The following AGTR1 variants were observed in gnomAD, a reference collection of about 807,000 sequenced individuals.
AGTR1 encodes type-1 angiotensin II receptor.
A neutral mutation model predicts 19.4 loss-of-function variants in AGTR1; 16 were observed. The ratio of observed to expected loss-of-function variants is 0.82; its 90% CI spans 0.56 to 1.25. AGTR1 has a LOEUF of 1.25. Among genes scored for constraint, AGTR1 ranks in the 50% most tolerant of loss-of-function variants. The probability of loss-of-function intolerance (pLI) is 0.00; values close to 1 mark genes in which losing one functional copy is unlikely to be tolerated. For synonymous variants in AGTR1, 153 were observed against 154.9 expected (o/e 0.99, Z 0.09); for missense variants, 373 against 431.9 (o/e 0.86, Z 1.21).
intron 2 of AGTR1, among the ~76,000 whole-genome samples, chr3:148,733,840 C>A (rs964336565): frequency 1.3e-5 from 2 of 152,200 alleles, no homozygotes; most frequent in African/African-American, 2.4e-5. Flanking sequence ...TTTTCCTTTT[C>A]TCCTAGTCTC....
At chr3:148,729,894 C>A (rs1045490777) in intron 2 of AGTR1, among the ~76,000 whole-genome samples, 8 of 152,172 alleles carry the variant, frequency 5.3e-5, no homozygotes, top group Admixed American at 1.3e-4. Flanking sequence ...TCTTTCCACC[C>A]CTTGCTGGTA....
intron 2 of AGTR1, 83 bp downstream of exon 2, chr3:148,708,110 A>G (rs1020123931): frequency 6.6e-6 from 1 of 152,098 alleles, no homozygotes; most frequent in African/African-American, 2.4e-5. Context: ...AAAAACCCAC[A>G]CACACCATTA....
At position 148,741,244 on chromosome 3, in the gene AGTR1, T is replaced by G; in HGVS notation, c.209T>G (p.Leu70Ter). The stretch of plus-strand genomic sequence containing the variant: ...GTGGCCAGTGTTTTTCTTTTGAATT[T>G]AGCACTGGCTGACTTATGCTTTTTA... The part of the protein sequence containing the change: ...KTVASVFLLN[L>*]ALADLCFLLT... The change falls in exon 3 of 3, where the codon TTA (leucine) becomes TGA (stop). Residue 70 changes from leucine to a stop codon, truncating the protein, a stop_gained. Coordinates refer to ENST00000349243, the MANE Select transcript of AGTR1 (RefSeq NM_000685.5). LOFTEE classifies it high-confidence loss of function. The G allele has an allele frequency of 3.7e-6, 6 of 1,614,066 alleles. No individual in the cohort carries two copies. The highest frequency in any genetic ancestry group is 4.2e-6 in the Non-Finnish European group (5 of 1,180,030).
rs987476782 is a variant in AGTR1, at chr3:148,716,609, T to G, written c.-48+8582T>G. On this transcript the variant is annotated intron_variant, in intron 2 of 2. Transcript: ENST00000349243. This position sits in a 1 kb window ranked among gnomAD's most constrained non-coding sequence, Gnocchi z 4.7. ...TAAACAAGAAGTTTTCATTCCTAAT[T>G]AAAAAAAATAAGCTAGTTCATCACA... Among the ~76,000 whole-genome samples the G allele has an allele frequency of 6.6e-6, 1 of 151,948 alleles. No homozygotes were observed. The highest frequency in any genetic ancestry group is 1.5e-5 in the Non-Finnish European group (1 of 67,976).
At chr3:148,709,546 C>T (rs945999491) in intron 2 of AGTR1, among the ~76,000 whole-genome samples, 11 of 152,102 alleles carry the variant, frequency 7.2e-5, no homozygotes, top group Admixed American at 6.6e-4. Flanking sequence ...ATAAGCAAAA[C>T]ATACTTAAGT....
At chr3:148,702,015 T>C (rs138239695) in intron 1 of AGTR1, among the ~76,000 whole-genome samples, 303 of 150,804 alleles carry the variant, frequency 2.0e-3, no homozygotes, top group Non-Finnish European at 3.7e-3. Context: ...TCTTGCTCTG[T>C]TGCCCAGGCT....
At chr3:148,722,139 A>G (rs1713673786) in intron 2 of AGTR1, among the ~76,000 whole-genome samples, 1 of 152,228 alleles carries the variant, frequency 6.6e-6, no homozygotes, top group South Asian at 2.1e-4. Flanking sequence ...AGCATCCATT[A>G]TAAAATCACC....
chr3:148,708,265 A>G (rs138921672), intron 2 of AGTR1, among the ~76,000 whole-genome samples: 132 of 152,318 alleles, frequency 8.7e-4, no homozygotes, highest in African/African-American at 3.1e-3. Context: ...CCATTCATGT[A>G]CTGATAATGA....
intron 2 of AGTR1, among the ~76,000 whole-genome samples, chr3:148,709,049 A>G (rs1348639355): frequency 6.6e-6 from 1 of 152,196 alleles, no homozygotes; most frequent in Non-Finnish European, 1.5e-5. Context: ...AATCTTGGAG[A>G]TAAAAATAGT....
intron 2 of AGTR1, among the ~76,000 whole-genome samples, chr3:148,735,648 G>A (rs975393253): frequency 2.6e-5 from 4 of 152,160 alleles, no homozygotes; most frequent in Non-Finnish European, 5.9e-5. Context: ...ATAAGAACAA[G>A]TAGATCTGAA....
intron 2 of AGTR1, among the ~76,000 whole-genome samples, chr3:148,732,948 G>A (rs1258286119): frequency 6.6e-6 from 1 of 151,426 alleles, no homozygotes; most frequent in Non-Finnish European, 1.5e-5. Flanking sequence ...CACCGTTTTA[G>A]CCGGGATGGT....
chr3:148,733,597 C>A (rs1714410689), intron 2 of AGTR1, among the ~76,000 whole-genome samples: 1 of 152,140 alleles, frequency 6.6e-6, no homozygotes, highest in Non-Finnish European at 1.5e-5. Flanking sequence ...ATTGACTAAG[C>A]CCATATTGGT....
At chr3:148,723,261 G>A (rs1302261299) in intron 2 of AGTR1, among the ~76,000 whole-genome samples, 1 of 152,162 alleles carries the variant, frequency 6.6e-6, no homozygotes, top group East Asian at 1.9e-4. Context: ...AAACATAAAT[G>A]TACAGATAAT....
intron 2 of AGTR1, among the ~76,000 whole-genome samples, chr3:148,732,962 G>A (rs1186416282): frequency 1.2e-4 from 18 of 151,440 alleles, no homozygotes; most frequent in African/African-American, 3.4e-4. Context: ...GGATGGTCTC[G>A]ATCTCCTGAC....
intron 2 of AGTR1, among the ~76,000 whole-genome samples, chr3:148,738,724 T>C (rs1225919144): frequency 6.6e-6 from 1 of 152,240 alleles, no homozygotes; most frequent in Non-Finnish European, 1.5e-5. Flanking sequence ...ATTTTCTACC[T>C]GTTTATTTCG....
At position 148,742,202 on chromosome 3, in the gene AGTR1, T is replaced by G; in HGVS notation, c.*87T>G. 6.5e-7 allele frequency: 1 copy of G among 1,527,196 alleles called. No homozygotes were observed. Among genetic ancestry groups the G allele is most frequent in the Non-Finnish European group, 9.1e-7 (1 of 1,101,398 alleles). The allele number at this position is 1,527,196 out of a possible 1,614,324, so 94.6% of individuals were successfully genotyped here. On this transcript the variant is annotated 3_prime_UTR_variant, in exon 3 of 3. Coordinates refer to ENST00000349243, the MANE Select transcript of AGTR1 (RefSeq NM_000685.5). The stretch of plus-strand genomic sequence containing the variant: ...GCAGCACTTCACTACCAAATGAGCA[T>G]TAGCTACTTTTCAGAATTGAAGGAG...
Position 148,732,772 on chromosome 3 carries a change from G to A in AGTR1, c.-47-8217G>A, listed in dbSNP as rs13094874. Among the ~76,000 whole-genome samples the A allele has an allele frequency of 3.5e-5, 4 of 113,642 alleles. No homozygotes were observed. The East Asian group carries it at 7.4e-4, about 21-fold the overall frequency. 74.6% of individuals were successfully genotyped at this position (113,642 alleles called of 152,430 possible). On this transcript the variant is annotated intron_variant, in intron 2 of 2. Coordinates refer to ENST00000349243, the MANE Select transcript of AGTR1 (RefSeq NM_000685.5). ...TTTTTTTTTTTTGAGACGGAGTCTC[G>A]CTCTGTCGCCCAGGCTGGAGTGCAG...
intron 2 of AGTR1, among the ~76,000 whole-genome samples, chr3:148,715,452 A>T (rs1466678619): frequency 6.6e-6 from 1 of 152,166 alleles, no homozygotes; most frequent in Non-Finnish European, 1.5e-5. Context: ...GGAAAAGACA[A>T]GCATCTGTGA....
intron 1 of AGTR1, among the ~76,000 whole-genome samples, chr3:148,701,591 A>G (rs1375047955): frequency 1.3e-5 from 2 of 152,242 alleles, no homozygotes; most frequent in Non-Finnish European, 2.9e-5. Context: ...AAGTAGAAAC[A>G]AATGTCTAGA....
Sources: gnomAD v4.1 joint callset for allele counts (sites outside exome capture counted in the v4.1 genomes callset) on GRCh38, gnomAD v4.1.1 for gene constraint, Gnocchi (gnomAD v3.1) non-coding constraint, MANE v1.5 for transcripts, NCBI Gene and HGNC (gene_info 2026-07-23, HGNC 2026-07-21) for gene names.